CPNE8: variants seen among roughly 807,000 people sequenced by gnomAD.
CPNE8 encodes the protein copine 8.
A neutral mutation model predicts 81.5 loss-of-function variants in CPNE8; 45 were observed. The ratio of observed to expected loss-of-function variants is 0.55; its 90% CI spans 0.44 to 0.71. The LOEUF (loss-of-function observed/expected upper bound fraction) is 0.71. Among genes scored for constraint, CPNE8 ranks in the 30% least tolerant of loss-of-function variants. The pLI, the probability that CPNE8 is intolerant of heterozygous loss-of-function variation, is 0.00. For missense variants in CPNE8, 594 were observed against 672.1 expected, an observed-to-expected ratio of 0.88 and a Z score of 1.28; for synonymous variants, 252 against 226.3, an observed-to-expected ratio of 1.11 and a Z score of -1.02.
chr12:38,813,387 GA>G (rs1942969362), intron 6 of CPNE8, among the ~76,000 whole-genome samples: 1 of 152,008 alleles, frequency 6.6e-6, no homozygotes, highest in South Asian at 2.1e-4. Flanking sequence ...TGATAGAGGG[GA>G]AAAAAGACTG....
chr12:38,724,812 T>C (rs1940654551), intron 12 of CPNE8, 34 bp downstream of exon 12: 2 of 1,315,926 alleles, frequency 1.5e-6, no homozygotes, highest in Admixed American at 3.7e-5. Context: ...TCATTTATTT[T>C]AATCTTTAAT....
At position 38,678,006 on chromosome 12, in the gene CPNE8, G is replaced by C. The variant is rs374796750; in HGVS notation, c.1272-452C>G. Among the ~76,000 whole-genome samples the C allele has an allele frequency of 4.1e-4, 63 of 152,108 alleles. 1 individual carries two copies. Among genetic ancestry groups the C allele is most frequent in the East Asian group, 2.7e-3 (14 of 5,180 alleles). On this transcript the variant is annotated intron_variant, in intron 16 of 19. Transcript: ENST00000331366. ...GAATTAATGAAGAATTGCATGTATGGTACTCAATATAAGCATTGTATAAAT... is the reference window on the plus strand; with the variant it reads ...GAATTAATGAAGAATTGCATGTATGCTACTCAATATAAGCATTGTATAAAT...
chr12:38,875,023 G>C (rs949881509), intron 1 of CPNE8, among the ~76,000 whole-genome samples: 4 of 152,054 alleles, frequency 2.6e-5, no homozygotes, highest in Non-Finnish European at 4.4e-5. Flanking sequence ...TTGCTATTAC[G>C]GTTTCGGAAT....
chr12:38,856,902 A>G (rs1943747254), intron 3 of CPNE8, among the ~76,000 whole-genome samples: 1 of 152,008 alleles, frequency 6.6e-6, no homozygotes, highest in African/African-American at 2.4e-5. Flanking sequence ...TAGATGCTTC[A>G]CATTTAAGGA....
At chr12:38,730,218 A>AATTAAATTAAAAGTGTG in intron 11 of CPNE8, 65 bp downstream of exon 11, 7 of 992,382 alleles carry the variant, frequency 7.1e-6, no homozygotes, top group Middle Eastern at 2.1e-4. Context: ...TGCAGAATCC[A>AATTAAATTAAAAGTGTG]CACTTTTAAA....
chr12:38,703,573 T>A (rs561266611), intron 13 of CPNE8, among the ~76,000 whole-genome samples: 1 of 151,990 alleles, frequency 6.6e-6, no homozygotes, highest in Non-Finnish European at 1.5e-5. Flanking sequence ...CTCTCACCAC[T>A]CCTATTCCAC....
At chr12:38,850,287 A>G (rs1169603432) in intron 3 of CPNE8, among the ~76,000 whole-genome samples, 1 of 152,184 alleles carries the variant, frequency 6.6e-6, no homozygotes, top group African/African-American at 2.4e-5. Context: ...GCCAGTACCC[A>G]TATTCCCAAG....
At chr12:38,746,682 C>G (rs1021800176) in intron 10 of CPNE8, among the ~76,000 whole-genome samples, 4 of 152,008 alleles carry the variant, frequency 2.6e-5, no homozygotes, top group African/African-American at 9.7e-5. Flanking sequence ...GTTTAAGGAC[C>G]AAAAACTAAC....
At chr12:38,714,339 G>A (rs1940335402) in intron 13 of CPNE8, among the ~76,000 whole-genome samples, 1 of 151,946 alleles carries the variant, frequency 6.6e-6, no homozygotes, top group East Asian at 1.9e-4. Flanking sequence ...GCCAAAGGTT[G>A]GAGATTACTA....
At chr12:38,878,654 A>G (rs185571204) in intron 1 of CPNE8, among the ~76,000 whole-genome samples, 61 of 152,276 alleles carry the variant, frequency 4.0e-4, no homozygotes, top group Admixed American at 2.6e-3. Flanking sequence ...TGTAGTTTTT[A>G]TTGTCAGTCG....
intron 6 of CPNE8, among the ~76,000 whole-genome samples, chr12:38,797,443 T>G (rs570533154): frequency 4.6e-5 from 7 of 152,176 alleles, no homozygotes; most frequent in African/African-American, 1.7e-4. Context: ...AAACAGGGTC[T>G]GGAGTGGACC....
At chr12:38,868,896 C>G (rs372138718) in intron 3 of CPNE8, among the ~76,000 whole-genome samples, 3 of 152,076 alleles carry the variant, frequency 2.0e-5, no homozygotes, top group African/African-American at 7.2e-5. Flanking sequence ...AAAATGGCAG[C>G]CCTCTTCAAA....
chr12:38,892,206 A>C (rs1310417657), intron 1 of CPNE8, among the ~76,000 whole-genome samples: 4 of 152,204 alleles, frequency 2.6e-5, no homozygotes, highest in Non-Finnish European at 5.9e-5. Flanking sequence ...ATTAACACCT[A>C]GTCCACTTTG....
At chr12:38,689,940 C>A (rs1172044973) in intron 15 of CPNE8, among the ~76,000 whole-genome samples, 3 of 152,128 alleles carry the variant, frequency 2.0e-5, no homozygotes, top group Non-Finnish European at 2.9e-5. Context: ...TTAGGAAATT[C>A]TTCCTTTCCT....
intron 3 of CPNE8, among the ~76,000 whole-genome samples, chr12:38,858,491 T>A (rs1246015054): frequency 6.6e-6 from 1 of 152,270 alleles, no homozygotes; most frequent in East Asian, 1.9e-4. Flanking sequence ...CAGTCATATT[T>A]ATACTCACTT....
chr12:38,865,956 T>C (rs1220590547), intron 3 of CPNE8, among the ~76,000 whole-genome samples: 3 of 152,214 alleles, frequency 2.0e-5, no homozygotes, highest in African/African-American at 7.2e-5. Context: ...TCTGCCTCTC[T>C]ATATCCAGTA....
chr12:38,866,052 C>T (rs1002862224), intron 3 of CPNE8, among the ~76,000 whole-genome samples: 2 of 152,204 alleles, frequency 1.3e-5, no homozygotes, highest in African/African-American at 2.4e-5. Context: ...ACTGGTATTG[C>T]TGACATTGGA....
chr12:38,791,562 G>C (rs1942324485), intron 6 of CPNE8, among the ~76,000 whole-genome samples: 1 of 151,504 alleles, frequency 6.6e-6, no homozygotes, highest in Non-Finnish European at 1.5e-5. Flanking sequence ...TTTAGAATGT[G>C]TAAAAAACCT....
At chr12:38,798,999 C>T (rs1017777594) in intron 6 of CPNE8, among the ~76,000 whole-genome samples, 1 of 152,216 alleles carries the variant, frequency 6.6e-6, no homozygotes, top group African/African-American at 2.4e-5. Flanking sequence ...GAAGAGCTAA[C>T]TGTCCTAAAT....
Sources: gnomAD v4.1 joint callset for allele counts (sites outside exome capture counted in the v4.1 genomes callset) on GRCh38, gnomAD v4.1.1 for gene constraint, MANE v1.5 for transcripts, NCBI Gene and HGNC (gene_info 2026-07-23, HGNC 2026-07-21) for gene names.